Variants in C8orf89 observed in about 807,000 individuals in gnomAD.
C8orf89 encodes the protein chromosome 8 open reading frame 89.
In C8orf89, 14 loss-of-function variants were observed where a neutral mutation model predicts 15.8. The ratio of observed to expected loss-of-function variants is 0.89; its 90% confidence interval spans 0.59 to 1.39. The LOEUF (loss-of-function observed/expected upper bound fraction) is 1.39. C8orf89 is among the 40% of genes most tolerant of loss of function. C8orf89 has a pLI of 0.00. For missense variants in C8orf89, 181 were observed against 184.5 expected, an observed-to-expected ratio of 0.98 and a Z score of 0.11; for synonymous variants, 55 against 62.2, an observed-to-expected ratio of 0.88 and a Z score of 0.54.
At chr8:73,273,140 C>T in the C8orf89 span, among the ~76,000 whole-genome samples, 1 of 152,176 alleles carries the variant, frequency 6.6e-6, no homozygotes, top group Non-Finnish European at 1.5e-5. Flanking sequence ...GAGGTGCAGC[C>T]AGGGCTGCAT....
chr8:73,273,971 T>C, the C8orf89 span, among the ~76,000 whole-genome samples: 7 of 152,146 alleles, frequency 4.6e-5, no homozygotes, highest in African/African-American at 1.7e-4. Context: ...ATGTTATATT[T>C]TGTAATGATA....
chr8:73,271,110 T>A, the C8orf89 span, among the ~76,000 whole-genome samples: 22 of 152,342 alleles, frequency 1.4e-4, 1 homozygote, highest in East Asian at 4.0e-3. Context: ...GCCATTTATT[T>A]TCATGTCAAC....
At chr8:73,276,854 T>C in the C8orf89 span, among the ~76,000 whole-genome samples, 2 of 126,176 alleles carry the variant, frequency 1.6e-5, no homozygotes, top group East Asian at 5.5e-4. Flanking sequence ...TCATCCAGGC[T>C]GGAGTGCAGT....
At chr8:73,242,947 A>G (rs1167145880) in intron 3 of C8orf89, among the ~76,000 whole-genome samples, 1 of 152,210 alleles carries the variant, frequency 6.6e-6, no homozygotes, top group African/African-American at 2.4e-5. Flanking sequence ...AATGTGGTAC[A>G]TATACACAAT....
At chr8:73,243,465 C>A (rs957895331) in intron 3 of C8orf89, among the ~76,000 whole-genome samples, 2 of 152,038 alleles carry the variant, frequency 1.3e-5, no homozygotes, top group African/African-American at 2.4e-5. Flanking sequence ...ATTAAAAAAA[C>A]ACGACTAGTT....
chr8:73,269,635 A>C, the C8orf89 span, among the ~76,000 whole-genome samples: 3 of 152,226 alleles, frequency 2.0e-5, no homozygotes, highest in Admixed American at 6.5e-5. Flanking sequence ...TAATATATGC[A>C]GGTAGATTTA....
At chr8:73,277,862 C>T in the C8orf89 span, 1 of 700,038 alleles carries the variant, frequency 1.4e-6, no homozygotes. Context: ...TTTCAAAGTC[C>T]TTGGTTCCTT....
intron 3 of C8orf89, among the ~76,000 whole-genome samples, chr8:73,246,091 T>C (rs1813116086): frequency 6.6e-6 from 1 of 152,198 alleles, no homozygotes; most frequent in South Asian, 2.1e-4. Context: ...ATTAGCAAAT[T>C]AAATGTGGCA....
chr8:73,280,934 C>T, the C8orf89 span, among the ~76,000 whole-genome samples: 1 of 151,984 alleles, frequency 6.6e-6, no homozygotes, highest in African/African-American at 2.4e-5. Flanking sequence ...TAATGAGCTA[C>T]TTTCGCCAAT....
the C8orf89 span, among the ~76,000 whole-genome samples, chr8:73,270,612 AT>A: frequency 4.6e-5 from 7 of 152,200 alleles, no homozygotes; most frequent in African/African-American, 2.4e-5. Context: ...CTCTAACAAA[AT>A]TTAAAAAATA....
the C8orf89 span, among the ~76,000 whole-genome samples, chr8:73,281,631 T>TTTTG: frequency 7.4e-4 from 112 of 151,844 alleles, no homozygotes; most frequent in Non-Finnish European, 1.2e-3. Context: ...AGTAGGAAGG[T>TTTTG]TTTCTTTGTT....
chr8:73,259,080 C>A (rs1219535702), intron 1 of C8orf89, among the ~76,000 whole-genome samples: 6 of 152,008 alleles, frequency 3.9e-5, no homozygotes, highest in Admixed American at 6.6e-5. Context: ...TTAAGAAATG[C>A]AGTTCTTTCA....
At chr8:73,244,591 C>CA (rs199960240) in intron 3 of C8orf89, among the ~76,000 whole-genome samples, 1 of 151,596 alleles carries the variant, frequency 6.6e-6, no homozygotes, top group South Asian at 2.1e-4. Flanking sequence ...TTTCAAGTGT[C>CA]AAAAAAAAGC....
upstream of C8orf89, among the ~76,000 whole-genome samples, chr8:73,260,828 A>G (rs1396912887): frequency 6.6e-6 from 1 of 152,186 alleles, no homozygotes; most frequent in Admixed American, 6.6e-5. Context: ...TGTTGTCAAA[A>G]GAGAGAAACA....
chr8:73,278,921 CTCTTTTTT>C, the C8orf89 span, among the ~76,000 whole-genome samples: 2 of 152,116 alleles, frequency 1.3e-5, no homozygotes, highest in East Asian at 1.9e-4. Context: ...GGTACGACAA[CTCTTTTTT>C]TCTTTTTTTC....
chr8:73,258,128 T>G (rs771567726), intron 1 of C8orf89, among the ~76,000 whole-genome samples: 1 of 152,194 alleles, frequency 6.6e-6, no homozygotes, highest in Non-Finnish European at 1.5e-5. Context: ...TCAAGAATTA[T>G]TGGCTGGGCG....
Position 73,241,463 on chromosome 8 carries a change from G to A in C8orf89, c.480C>T (p.Asp160=). The change falls in exon 4 of 4, where the codon GAC becomes GAT. Residue 160 remains aspartate (D), a synonymous_variant. Coordinates refer to ENST00000624510, the MANE Select transcript of C8orf89 (RefSeq NM_001243237.3). The part of the protein sequence containing the change: ...SKKSKKRDLR[D]R The stretch of plus-strand genomic sequence containing the variant: ...TCACACTGTACGACATTTTTCAGCG[G>A]TCTCGGAGGTCTCGTTTCTTGCTTT... 2.0e-6 allele frequency: 3 copies of A among 1,527,692 alleles called. No individual in the cohort carries two copies. The highest frequency in any genetic ancestry group is 1.2e-5 in the South Asian group (1 of 82,554). 94.6% of individuals were successfully genotyped at this position (1,527,692 alleles called of 1,614,324 possible). A position where few individuals can be genotyped will look rare whatever the true frequency, so the allele number is the denominator to read the frequency against.
chr8:73,265,380 G>A, the C8orf89 span, among the ~76,000 whole-genome samples: 37 of 152,296 alleles, frequency 2.4e-4, no homozygotes, highest in African/African-American at 7.2e-4. Context: ...TCCATCAGAA[G>A]GCTTTGAATA....
chr8:73,251,345 G>A (rs747459889), intron 2 of C8orf89, among the ~76,000 whole-genome samples: 16 of 152,142 alleles, frequency 1.1e-4, no homozygotes, highest in African/African-American at 3.4e-4. Context: ...TGCCAAAACC[G>A]CTCCTTCACA....
Sources: allele counts gnomAD v4.1 joint callset (sites outside exome capture counted in the v4.1 genomes callset), GRCh38; gene constraint gnomAD v4.1.1; transcripts MANE v1.5; gene names NCBI Gene and HGNC (gene_info 2026-07-23, HGNC 2026-07-21).